The following TENM4 variants were observed in gnomAD, a reference collection of about 807,000 sequenced individuals.
TENM4 encodes the protein teneurin transmembrane protein 4.
In TENM4, 82 loss-of-function variants were observed where a neutral mutation model predicts 243.3. The ratio of observed to expected loss-of-function variants is 0.34; its 90% CI spans 0.28 to 0.40. The LOEUF is 0.40. TENM4 is among the 10% of genes least tolerant of loss of function. The pLI is 1.00. For missense variants in TENM4, 3,138 were observed against 3,673.3 expected (o/e 0.85, Z 3.77); for synonymous variants, 1,412 against 1,456.3 (o/e 0.97, Z 0.69).
chr11:79,271,325 C>T (rs925304404), intron 2 of TENM4, among the ~76,000 whole-genome samples: 1 of 152,190 alleles, frequency 6.6e-6, no homozygotes, highest in Admixed American at 6.5e-5. Context: ...ATTACAGAGA[C>T]TTTTTCTTGT....
At chr11:78,825,217 G>T (rs1857825445) in intron 12 of TENM4, among the ~76,000 whole-genome samples, 1 of 152,210 alleles carries the variant, frequency 6.6e-6, no homozygotes, top group Non-Finnish European at 1.5e-5. Context: ...TGACTTCTGA[G>T]GGTGTGATTT....
chr11:78,697,526 G>A lies in TENM4; in HGVS notation c.5087+4000C>T, dbSNP rs76100705. Among the ~76,000 whole-genome samples, 1,029 of 152,308 alleles carry A rather than the reference G, an allele frequency of 6.8e-3. 16 individuals are homozygous for A. Among genetic ancestry groups the A allele is most frequent in the African/African-American group, 0.024 (999 of 41,558 alleles). On this transcript the variant is annotated intron_variant, in intron 28 of 33. Transcript: ENST00000278550. ...AGTTGAGTTCTATGTCCCGTTGGGA[G>A]CACTGGCAGTGCTGGTGCTCAGACG...
chr11:79,192,365 G>A (rs971985407), intron 3 of TENM4, among the ~76,000 whole-genome samples: 6 of 152,214 alleles, frequency 3.9e-5, no homozygotes, highest in Admixed American at 1.3e-4. Flanking sequence ...TCGGATGGTT[G>A]CCGTGTCTGT....
At chr11:79,133,879 C>A (rs1591306012) in intron 4 of TENM4, among the ~76,000 whole-genome samples, 1 of 152,256 alleles carries the variant, frequency 6.6e-6, no homozygotes. Flanking sequence ...GACAAACCCA[C>A]AGACAACATA....
At chr11:78,699,898 A>G (rs906198013) in intron 28 of TENM4, among the ~76,000 whole-genome samples, 3 of 152,232 alleles carry the variant, frequency 2.0e-5, no homozygotes, top group Non-Finnish European at 4.4e-5. Flanking sequence ...TAAATAATGT[A>G]TAAGAGATTT....
intron 9 of TENM4, among the ~76,000 whole-genome samples, chr11:78,868,054 T>G (rs1242431200): frequency 6.8e-6 from 1 of 146,774 alleles, no homozygotes; most frequent in Non-Finnish European, 1.5e-5. Flanking sequence ...ATCCAAATGA[T>G]TTGGAAGACA....
In TENM4 at chr11:79,435,697, G is replaced by T. The variant is rs191270962; in HGVS notation, c.-321+4812C>A. Among the ~76,000 whole-genome samples the T allele has an allele frequency of 6.6e-4, 101 of 152,278 alleles. 3 individuals are homozygous for T. In the South Asian group the frequency reaches 0.021, roughly 31 times the overall value. ...AGGACAGGGGCTGAGAACCCCGGGC[G>T]GAGACTTGCACCACTGGTGCTTATC... On this transcript the variant is annotated intron_variant, in intron 1 of 33. Transcript: ENST00000278550.
At chr11:78,900,564 G>A (rs534845139) in intron 7 of TENM4, among the ~76,000 whole-genome samples, 18 of 152,206 alleles carry the variant, frequency 1.2e-4, no homozygotes, top group Non-Finnish European at 2.5e-4. Flanking sequence ...ATGGGAAATA[G>A]CTTTTAGAGT....
intron 1 of TENM4, among the ~76,000 whole-genome samples, chr11:79,367,256 C>T (rs779268069): frequency 2.7e-4 from 41 of 152,174 alleles, no homozygotes; most frequent in Non-Finnish European, 4.1e-4. Flanking sequence ...CTACTCAATA[C>T]GTGCGGTTTT....
chr11:79,105,496 T>A (rs1861343249), intron 4 of TENM4, among the ~76,000 whole-genome samples: 1 of 152,232 alleles, frequency 6.6e-6, no homozygotes. Context: ...ATGCTGATCC[T>A]TCATATAAAA....
chr11:79,274,944 G>A (rs751911546), intron 2 of TENM4, among the ~76,000 whole-genome samples: 11 of 152,090 alleles, frequency 7.2e-5, no homozygotes, highest in Non-Finnish European at 1.3e-4. Flanking sequence ...AGTGGCTCTC[G>A]CACAGTGCTC....
intron 18 of TENM4, 145 bp from the exon 19 acceptor site, chr11:78,757,166 C>T (rs1856331126): frequency 1.2e-6 from 1 of 816,808 alleles, no homozygotes; most frequent in Admixed American, 2.7e-5. Context: ...CTTTGCTGGG[C>T]ACCAAACAGA....
intron 17 of TENM4, among the ~76,000 whole-genome samples, chr11:78,774,505 A>G (rs1856703979): frequency 6.6e-6 from 1 of 152,194 alleles, no homozygotes; most frequent in Non-Finnish European, 1.5e-5. Flanking sequence ...CTCAATAGCA[A>G]CTGTCCCAAG....
intron 15 of TENM4, among the ~76,000 whole-genome samples, chr11:78,797,075 C>T (rs1857176225): frequency 6.6e-6 from 1 of 152,228 alleles, no homozygotes; most frequent in African/African-American, 2.4e-5. Context: ...ACCTGATTTA[C>T]TGGCAGTTTC....
chr11:79,209,304 C>T (rs1295851901), intron 3 of TENM4, among the ~76,000 whole-genome samples: 1 of 152,188 alleles, frequency 6.6e-6, no homozygotes, highest in African/African-American at 2.4e-5. Context: ...CCCGGCCGGC[C>T]TTGGGAAAGG....
intron 3 of TENM4, among the ~76,000 whole-genome samples, chr11:79,202,304 C>T (rs974854369): frequency 6.6e-6 from 1 of 152,222 alleles, no homozygotes; most frequent in Non-Finnish European, 1.5e-5. Flanking sequence ...GCCTCTTCCA[C>T]ATGCAGCTGT....
intron 6 of TENM4, among the ~76,000 whole-genome samples, chr11:78,916,487 G>C (rs147697311): frequency 6.6e-6 from 1 of 152,296 alleles, no homozygotes; most frequent in African/African-American, 2.4e-5. Context: ...TTAAGCCTTT[G>C]TCCATGTACA....
chr11:79,114,283 G>A (rs1173062337), intron 4 of TENM4, among the ~76,000 whole-genome samples: 1 of 152,176 alleles, frequency 6.6e-6, no homozygotes, highest in Non-Finnish European at 1.5e-5. Context: ...AACTTGGAAA[G>A]ACAGAAGGAA....
Position 78,710,335 on chromosome 11 carries a change from G to C in TENM4, c.4055-1820C>G, listed in dbSNP as rs568155190. Among the ~76,000 whole-genome samples, 5 of 152,232 alleles carry C rather than the reference G, an allele frequency of 3.3e-5. No homozygotes were observed. In the South Asian group the frequency reaches 8.3e-4, roughly 25 times the overall value. Reference sequence around the variant, plus strand: ...GTGAGTTTCAAGGCCTTTGCTCCGGGGACCCACGTGTCTCTCACTGGCCAG... The same window carrying C: ...GTGAGTTTCAAGGCCTTTGCTCCGGCGACCCACGTGTCTCTCACTGGCCAG... On this transcript the variant is annotated intron_variant, in intron 26 of 33. Transcript: ENST00000278550.
Sources: gnomAD v4.1 joint callset for allele counts (sites outside exome capture counted in the v4.1 genomes callset) on GRCh38, gnomAD v4.1.1 for gene constraint, MANE v1.5 for transcripts, NCBI Gene and HGNC (gene_info 2026-07-23, HGNC 2026-07-21) for gene names.